The following PARN variants were observed in gnomAD, a reference collection of about 807,000 sequenced individuals.
PARN encodes the protein poly(A)-specific ribonuclease PARN.
A neutral mutation model predicts 102.8 loss-of-function variants in PARN; 71 were observed. The ratio of observed to expected loss-of-function variants is 0.69; its 90% CI spans 0.57 to 0.84. PARN has a LOEUF of 0.84. PARN is among the 40% of genes least tolerant of loss of function. PARN has a pLI of 0.00. For synonymous variants in PARN, 261 were observed against 252.9 expected, an observed-to-expected ratio of 1.03 and a Z score of -0.30; for missense variants, 782 against 760.9, an observed-to-expected ratio of 1.03 and a Z score of -0.33.
intron 13 of PARN, among the ~76,000 whole-genome samples, chr16:14,589,095 G>A (rs1470141473): frequency 3.4e-5 from 5 of 149,076 alleles, no homozygotes; most frequent in East Asian, 4.1e-4. Context: ...CAGGAGAATC[G>A]CTTGGATCCG....
intron 21 of PARN, among the ~76,000 whole-genome samples, chr16:14,490,292 G>A (rs1963990467): frequency 6.6e-6 from 1 of 152,190 alleles, no homozygotes; most frequent in Non-Finnish European, 1.5e-5. Context: ...CATAAAAAGG[G>A]ACTGGCCCAA....
In PARN at chr16:14,520,536, G is replaced by A. The variant is rs12597735; in HGVS notation, c.1480+31485C>T. On this transcript the variant is annotated intron_variant, in intron 21 of 23. Transcript: ENST00000437198. Reference sequence around the variant, plus strand: ...CTTAGGAGTAACATATCGAAACCCCGTCTCTACCAAAAATTAGCCAGGTAC... The same window carrying A: ...CTTAGGAGTAACATATCGAAACCCCATCTCTACCAAAAATTAGCCAGGTAC... Among the ~76,000 whole-genome samples, 299 of 151,914 alleles carry A rather than the reference G, an allele frequency of 2.0e-3. 7 individuals are homozygous for A. In the East Asian group the frequency reaches 0.041, roughly 21 times the overall value.
At chr16:14,623,972 GAAAAGA>G (rs1214200843) in intron 5 of PARN, among the ~76,000 whole-genome samples, 1 of 151,952 alleles carries the variant, frequency 6.6e-6, no homozygotes, top group African/African-American at 2.4e-5. Context: ...GGAAGAGGAA[GAAAAGA>G]AAAAGGAGAA....
At chr16:14,484,889 C>T (rs1390372229) in intron 21 of PARN, among the ~76,000 whole-genome samples, 1 of 151,626 alleles carries the variant, frequency 6.6e-6, no homozygotes, top group Non-Finnish European at 1.5e-5. Flanking sequence ...AATATTCACT[C>T]AAGAGTTAAA....
chr16:14,463,840 G>GA (rs1199945523), intron 22 of PARN, among the ~76,000 whole-genome samples: 1 of 126,844 alleles, frequency 7.9e-6, no homozygotes, highest in Non-Finnish European at 1.7e-5. Context: ...TTTTTTTTTG[G>GA]GGGGGGGGGG....
chr16:14,460,645 CA>C (rs2059974157), intron 22 of PARN, among the ~76,000 whole-genome samples: 1 of 152,104 alleles, frequency 6.6e-6, no homozygotes, highest in African/African-American at 2.4e-5. Flanking sequence ...GAGAAACAAA[CA>C]AACATACAAA....
At chr16:14,455,554 A>T (rs1002064991) in intron 22 of PARN, among the ~76,000 whole-genome samples, 1 of 152,208 alleles carries the variant, frequency 6.6e-6, no homozygotes, top group African/African-American at 2.4e-5. Flanking sequence ...TATCCTAGCA[A>T]GGTTAACAGC....
At chr16:14,486,514 T>C (rs879360944) in intron 21 of PARN, among the ~76,000 whole-genome samples, 1 of 152,224 alleles carries the variant, frequency 6.6e-6, no homozygotes, top group Admixed American at 6.5e-5. Context: ...TAGTTTTCAA[T>C]AATTCAGCTC....
At chr16:14,497,107 C>T (rs577030715) in intron 21 of PARN, among the ~76,000 whole-genome samples, 18 of 152,256 alleles carry the variant, frequency 1.2e-4, no homozygotes, top group Admixed American at 3.3e-4. Context: ...CTAAACAATA[C>T]CTACTTTTAC....
chr16:14,436,888 G>T, intron 23 of PARN, 116 bp from the exon 24 acceptor site: 3 of 750,220 alleles, frequency 4.0e-6, no homozygotes, highest in Non-Finnish European at 4.6e-6. Flanking sequence ...CGGGGCCAGC[G>T]TCTGGCTAAA....
chr16:14,587,985 T>G (rs1969961953), intron 13 of PARN, among the ~76,000 whole-genome samples: 1 of 152,244 alleles, frequency 6.6e-6, no homozygotes, highest in Admixed American at 6.5e-5. Flanking sequence ...CTACACCCCT[T>G]GTCCAAGGAG....
intron 5 of PARN, among the ~76,000 whole-genome samples, chr16:14,625,899 C>T (rs568065117): frequency 6.6e-6 from 1 of 152,328 alleles, no homozygotes; most frequent in Admixed American, 6.5e-5. Flanking sequence ...TAAGACTTAT[C>T]TTTAATCACA....
intron 18 of PARN, 79 bp from the exon 19 acceptor site, chr16:14,555,788 G>GA (rs961524244): frequency 2.7e-3 from 1,627 of 612,378 alleles, no homozygotes; most frequent in South Asian, 6.7e-3. Context: ...GGTTGAATTA[G>GA]AAAAAAAAAA....
chr16:14,617,076 T>TA (rs869261969), intron 6 of PARN, among the ~76,000 whole-genome samples: 214 of 140,712 alleles, frequency 1.5e-3, no homozygotes, highest in East Asian at 4.0e-3. Flanking sequence ...TGTTTTTTTT[T>TA]AAAAAAAAAA....
At chr16:14,556,819 C>T (rs1406327905) in intron 18 of PARN, among the ~76,000 whole-genome samples, 3 of 151,898 alleles carry the variant, frequency 2.0e-5, no homozygotes, top group African/African-American at 4.8e-5. Context: ...AATGCAAAGT[C>T]ACTGGATAAA....
At position 14,608,407 on chromosome 16, in the gene PARN, T is replaced by G. The variant is rs1342171472; in HGVS notation, c.621-88A>C. The G allele has an allele frequency of 3.5e-6, 3 of 853,056 alleles. No homozygotes were observed. In the African/African-American group the frequency reaches 5.2e-5, roughly 15 times the overall value. 52.8% of individuals were successfully genotyped at this position (853,056 alleles called of 1,614,324 possible). On this transcript the variant is annotated intron_variant, in intron 8 of 23. Coordinates refer to ENST00000437198, the MANE Select transcript of PARN (RefSeq NM_002582.4). ...GCATTTGTTGAGAAGGATTTCGCTTTAAAAAGAGACTTCATTAGAACTGAT... is the reference window on the plus strand; with the variant it reads ...GCATTTGTTGAGAAGGATTTCGCTTGAAAAAGAGACTTCATTAGAACTGAT...
chr16:14,557,535 C>T (rs577711723), intron 18 of PARN, among the ~76,000 whole-genome samples: 35 of 136,582 alleles, frequency 2.6e-4, no homozygotes, highest in Non-Finnish European at 4.0e-4. Flanking sequence ...CTAGCCTGGG[C>T]GACAAGAGCA....
intron 21 of PARN, among the ~76,000 whole-genome samples, chr16:14,518,132 C>T (rs1266695621): frequency 2.1e-5 from 3 of 145,194 alleles, no homozygotes; most frequent in Non-Finnish European, 3.0e-5. Flanking sequence ...TTTAAAAAAC[C>T]CTCAAAAATA....
At chr16:14,509,426 G>A (rs1443335224) in intron 21 of PARN, among the ~76,000 whole-genome samples, 1 of 152,172 alleles carries the variant, frequency 6.6e-6, no homozygotes, top group Non-Finnish European at 1.5e-5. Context: ...CTTACTGCAT[G>A]ATTATTTAGT....
Sources: allele counts gnomAD v4.1 joint callset (sites outside exome capture counted in the v4.1 genomes callset), GRCh38; gene constraint gnomAD v4.1.1; transcripts MANE v1.5; gene names NCBI Gene and HGNC (gene_info 2026-07-23, HGNC 2026-07-21).